SHH: variants seen among roughly 807,000 people sequenced by gnomAD.
SHH encodes sonic hedgehog signaling molecule.
In SHH, 3 loss-of-function variants were observed where a neutral mutation model predicts 16.6. The observed-to-expected ratio is 0.18, with a 90% CI of 0.08 to 0.47. SHH has a LOEUF of 0.47. SHH is among the 20% of genes least tolerant of loss of function. The probability of loss-of-function intolerance (pLI) is 0.98; values close to 1 mark genes in which losing one functional copy is unlikely to be tolerated. For missense variants in SHH, 499 were observed against 665.0 expected (o/e 0.75, Z 2.75); for synonymous variants, 351 against 316.2 (o/e 1.11, Z -1.17).
intron 1 of SHH, 140 bp downstream of exon 1, chr7:155,811,683 G>C (rs1184001073): frequency 1.2e-6 from 1 of 843,492 alleles, no homozygotes; most frequent in Non-Finnish European, 2.1e-6. Flanking sequence ...GATGGGGGGC[G>C]GGCAGGTGGG....
chr7:155,809,716 C>T lies in SHH; in HGVS notation c.300+2107G>A, dbSNP rs1250915254. On this transcript the variant is annotated intron_variant, in intron 1 of 2. Transcript: ENST00000297261. This position sits in a 1 kb window ranked among gnomAD's most constrained non-coding sequence, Gnocchi z 6.1. ...AAAAAGTATTTGTTTTCGTTTCGTT[C>T]GTCTGAGGGAAGTTGACAGAAGGTC... is the stretch of plus-strand genomic sequence containing the variant. Among the ~76,000 whole-genome samples, 1 of 152,172 alleles carries T rather than the reference C, an allele frequency of 6.6e-6. No individual in the cohort carries two copies. The highest frequency in any genetic ancestry group is 1.5e-5 in the Non-Finnish European group (1 of 68,010).
intron 1 of SHH, among the ~76,000 whole-genome samples, chr7:155,808,095 G>C (rs1803412625): frequency 6.6e-6 from 1 of 152,198 alleles, no homozygotes; most frequent in Non-Finnish European, 1.5e-5. Context: ...AACAACTGGG[G>C]GTGGGGTAGG....
chr7:155,804,770 G>A (rs911219898), intron 2 of SHH, among the ~76,000 whole-genome samples: 1 of 152,216 alleles, frequency 6.6e-6, no homozygotes, highest in African/African-American at 2.4e-5. Context: ...AAGTTGGGGC[G>A]GAGCGCAGGG....
At chr7:155,810,401 G>A (rs9333600) in intron 1 of SHH, among the ~76,000 whole-genome samples, 12 of 152,252 alleles carry the variant, frequency 7.9e-5, no homozygotes, top group African/African-American at 2.7e-4. Flanking sequence ...CGGGGAGTGA[G>A]GGTGACGAGA....
chr7:155,803,509 C>T lies in SHH; in HGVS notation c.780G>A (p.Pro260=), dbSNP rs767639456. 4.1e-5 allele frequency: 64 copies of T among 1,578,280 alleles called. 1 individual carries two copies. In the South Asian group the frequency reaches 5.0e-4, roughly 12 times the overall value. The stretch of plus-strand genomic sequence containing the variant: ...CGGCGGTGAGCAGCAGGCGCTCGCG[C>T]GGCTCCCGCGTCTCGATCACGTAGA... ...KVFYVIETRE[P]RERLLLTAAH... The change falls in exon 3 of 3, where the codon CCG becomes CCA. Residue 260 remains proline, a synonymous_variant. Coordinates refer to ENST00000297261, the MANE Select transcript of SHH (RefSeq NM_000193.4).
rs1343790066 is a variant in SHH at position 155,803,367 on chromosome 7, G to A, written c.922C>T (p.Arg308Cys). ...ALGPRALFAS[R>C]VRPGQRVYVV... is the part of the protein sequence containing the mutation. Reference sequence around the variant, plus strand: ...TACACGCGCTGGCCCGGGCGCACGCGGCTGGCGAACAGCGCCCGAGGCCCC... The same window carrying A: ...TACACGCGCTGGCCCGGGCGCACGCAGCTGGCGAACAGCGCCCGAGGCCCC... Residue 308 changes from arginine (R) to cysteine (C), a missense_variant, in exon 3 of 3, where the codon CGC becomes TGC. Around this residue, in one of 4 missense-constraint regions of SHH, gnomAD observed 299 missense variants for 301.1 expected, o/e 0.99. Coordinates refer to ENST00000297261, the MANE Select transcript of SHH (RefSeq NM_000193.4). 3 of 1,451,218 alleles carry A rather than the reference G, an allele frequency of 2.1e-6. No homozygotes were observed. Among genetic ancestry groups the A allele is most frequent in the Non-Finnish European group, 2.7e-6 (3 of 1,114,368 alleles). 89.9% of individuals were successfully genotyped at this position (1,451,218 alleles called of 1,614,324 possible). A position where few individuals can be genotyped will look rare whatever the true frequency, so the allele number is the denominator to read the frequency against.
rs1803147658 is a variant in SHH, at chr7:155,800,129, A to G, written c.*2771T>C. 4.2e-6 allele frequency: 2 copies of G among 471,626 alleles called. No homozygotes were observed. The highest frequency in any genetic ancestry group is 4.7e-5 in the Admixed American group (2 of 42,590). 29.2% of individuals were successfully genotyped at this position (471,626 alleles called of 1,614,324 possible). On this transcript the variant is annotated 3_prime_UTR_variant, in exon 3 of 3. Transcript: ENST00000297261. ...AACCACCATGCATACATTTTGCACA[A>G]ACTCTTGGCTCCGTCAACCCTGAAT...
chr7:155,811,310 G>C (rs567312447), intron 1 of SHH, among the ~76,000 whole-genome samples: 3 of 152,322 alleles, frequency 2.0e-5, no homozygotes, highest in Admixed American at 1.3e-4. Flanking sequence ...GGTGCAGGGT[G>C]GGGGTAGTGG....
Position 155,809,708 on chromosome 7 carries a change from G to A in SHH, c.300+2115C>T, listed in dbSNP as rs1251576701. Among the ~76,000 whole-genome samples the A allele has an allele frequency of 6.6e-6, 1 of 152,170 alleles. No individual in the cohort carries two copies. Among genetic ancestry groups the A allele is most frequent in the Non-Finnish European group, 1.5e-5 (1 of 68,032 alleles). On this transcript the variant is annotated intron_variant, in intron 1 of 2. Transcript: ENST00000297261. This position sits in a 1 kb window ranked among gnomAD's most constrained non-coding sequence, Gnocchi z 6.1. The stretch of plus-strand genomic sequence containing the variant: ...CCCAAGGAAAAAAGTATTTGTTTTC[G>A]TTTCGTTCGTCTGAGGGAAGTTGAC...
chr7:155,805,155 C>T (rs1473219413), intron 2 of SHH, among the ~76,000 whole-genome samples: 1 of 151,496 alleles, frequency 6.6e-6, no homozygotes, highest in Admixed American at 6.6e-5. Flanking sequence ...CTCCGGAGAC[C>T]CCCGCTAGGG....
At position 155,801,012 on chromosome 7, in the gene SHH, G is replaced by C. The variant is rs991538189; in HGVS notation, c.*1888C>G. On this transcript the variant is annotated 3_prime_UTR_variant, in exon 3 of 3. Transcript: ENST00000297261. ...GCACAAAGCATGGCAGACACCTTCC[G>C]TAAGCCAAAGAACTGGGAGTAGTCC... 1.1e-5 allele frequency: 2 copies of C among 180,836 alleles called. No homozygotes were observed. Among genetic ancestry groups the C allele is most frequent in the Admixed American group, 1.1e-4 (2 of 17,772 alleles). The allele number at this position is 180,836 out of a possible 1,614,324, so 11.2% of individuals were successfully genotyped here. A position where few individuals can be genotyped will look rare whatever the true frequency, so the allele number is the denominator to read the frequency against.
chr7:155,800,802 G>C lies in SHH; in HGVS notation c.*2098C>G. 2.7e-6 allele frequency: 1 copy of C among 366,216 alleles called. No individual in the cohort carries two copies. Among genetic ancestry groups the C allele is most frequent in the Admixed American group, 3.5e-5 (1 of 28,300 alleles). 22.7% of individuals were successfully genotyped at this position (366,216 alleles called of 1,614,324 possible). ...GCCACTCAAGGGCAGACCCGTAGCAGAGCAGACCCTCAGGGACTGGGCCCA... is the reference window on the plus strand; with the variant it reads ...GCCACTCAAGGGCAGACCCGTAGCACAGCAGACCCTCAGGGACTGGGCCCA... On this transcript the variant is annotated 3_prime_UTR_variant, in exon 3 of 3. Transcript: ENST00000297261.
Position 155,802,910 on chromosome 7 carries a change from T to C in SHH, c.1379A>G (p.Lys460Arg). The change falls in exon 3 of 3, where the codon AAG (lysine) becomes AGG (arginine). Residue 460 changes from lysine (K) to arginine (R), a missense_variant. This residue lies in a region of SHH where 299 missense variants were observed against 301.1 expected (regional missense o/e 0.99). Transcript: ENST00000297261. ...EALHPLGMAV[K>R]SS ...CCCGGCCCCCCGGCTTCAGCTGGAC[T>C]TGACCGCCATGCCCAGCGGGTGCAG... 8.0e-7 allele frequency: 1 copy of C among 1,242,794 alleles called. No homozygotes were observed. 77.0% of individuals were successfully genotyped at this position (1,242,794 alleles called of 1,614,324 possible).
In SHH at chr7:155,802,858, CCGCCCCGCCCCCTCCCG is replaced by C; in HGVS notation, c.*25_*41del. ...TTTGCTTTGCGTTGCTGTTGCTGCC[CCGCCCCGCCCCCTCCCG>C]CGCCCCTCCCCCGGCCCCCCGGCTT... On this transcript the variant is annotated 3_prime_UTR_variant, in exon 3 of 3. Transcript: ENST00000297261. 1 of 638,884 alleles carries C rather than the reference CCGCCCCGCCCCCTCCCG, an allele frequency of 1.6e-6. No homozygotes were observed. Among genetic ancestry groups the C allele is most frequent in the Non-Finnish European group, 2.4e-6 (1 of 414,984 alleles). The allele number at this position is 638,884 out of a possible 1,614,324, so 39.6% of individuals were successfully genotyped here. A position where few individuals can be genotyped will look rare whatever the true frequency, so the allele number is the denominator to read the frequency against.
At position 155,812,179 on chromosome 7, in the gene SHH, G is replaced by C. The variant is rs1177674542; in HGVS notation, c.-57C>G. ...TCCCCGTGCGGGTCCGTGCGCGAGTGCGCGCGGCGGGTGTGTGCGTGTGCG... is the reference window on the plus strand; with the variant it reads ...TCCCCGTGCGGGTCCGTGCGCGAGTCCGCGCGGCGGGTGTGTGCGTGTGCG... On this transcript the variant is annotated 5_prime_UTR_variant, in exon 1 of 3. Transcript: ENST00000297261. 1 of 1,564,916 alleles carries C rather than the reference G, an allele frequency of 6.4e-7. No homozygotes were observed. The highest frequency in any genetic ancestry group is 1.7e-5 in the Admixed American group (1 of 59,916).
rs537317064 is a variant in SHH, at chr7:155,807,248, C to T, written c.301-691G>A. ...TGCCACTTGCAGCACAGGCCGGGGC[C>T]GGGACAGACATTCTTTATCTGGACA... On this transcript the variant is annotated intron_variant, in intron 1 of 2. Coordinates refer to ENST00000297261, the MANE Select transcript of SHH (RefSeq NM_000193.4). This position sits in a 1 kb window ranked among gnomAD's most constrained non-coding sequence, Gnocchi z 7.1. 4.7e-4 allele frequency: 74 copies of T among 156,252 alleles called. No individual in the cohort carries two copies. The highest frequency in any genetic ancestry group is 7.9e-4 in the Non-Finnish European group (56 of 70,462). 9.7% of individuals were successfully genotyped at this position (156,252 alleles called of 1,614,324 possible).
chr7:155,806,936 C>A (rs1803380694), intron 1 of SHH: 1 of 313,796 alleles, frequency 3.2e-6, no homozygotes, highest in Admixed American at 4.4e-5. Flanking sequence ...ATACCCGCCC[C>A]GCCCCCACGT....
chr7:155,802,869 C>T lies in SHH; in HGVS notation c.*31G>A. The stretch of plus-strand genomic sequence containing the variant: ...TTGCTGTTGCTGCCCCGCCCCGCCC[C>T]CTCCCGCGCCCCTCCCCCGGCCCCC... On this transcript the variant is annotated 3_prime_UTR_variant, in exon 3 of 3. Transcript: ENST00000297261. 1.3e-6 allele frequency: 1 copy of T among 789,892 alleles called. No individual in the cohort carries two copies. The highest frequency in any genetic ancestry group is 1.8e-6 in the Non-Finnish European group (1 of 557,398). The allele number at this position is 789,892 out of a possible 1,614,324, so 48.9% of individuals were successfully genotyped here.
chr7:155,810,080 T>G (rs1218343246), intron 1 of SHH, among the ~76,000 whole-genome samples: 1 of 152,016 alleles, frequency 6.6e-6, no homozygotes, highest in Non-Finnish European at 1.5e-5. Context: ...GCCCGGCGGC[T>G]CCAGCCCAGC....
Sources: gnomAD v4.1 joint callset for allele counts (sites outside exome capture counted in the v4.1 genomes callset) on GRCh38, gnomAD v4.1.1 for gene constraint, gnomAD v4.1.1 regional missense constraint, Gnocchi (gnomAD v3.1) non-coding constraint, MANE v1.5 for transcripts, NCBI Gene and HGNC (gene_info 2026-07-23, HGNC 2026-07-21) for gene names.